Variants in POM121C observed in about 807,000 individuals in gnomAD.
POM121C encodes nuclear envelope pore membrane protein POM 121C.
A neutral mutation model predicts 66.4 loss-of-function variants in POM121C; 20 were observed. The observed-to-expected ratio is 0.30, with a 90% CI of 0.21 to 0.44. The LOEUF is 0.44. Among genes scored for constraint, POM121C ranks in the 20% least tolerant of loss-of-function variants. The pLI is 1.00. For synonymous variants in POM121C, 286 were observed against 528.0 expected (o/e 0.54, Z 6.28); for missense variants, 580 against 1,225.7 (o/e 0.47, Z 7.87).
At chr7:75,452,088 CAGG>C (rs1192230938) in intron 3 of POM121C, among the ~76,000 whole-genome samples, 1 of 152,116 alleles carries the variant, frequency 6.6e-6, no homozygotes, top group Non-Finnish European at 1.5e-5. Flanking sequence ...CTCTTGAACC[CAGG>C]AGGAGGAGGT....
chr7:75,453,642 T>C (rs1342044228), intron 3 of POM121C, among the ~76,000 whole-genome samples: 1 of 150,854 alleles, frequency 6.6e-6, no homozygotes, highest in Non-Finnish European at 1.5e-5. Flanking sequence ...GTAAAGTGTT[T>C]CAGTTACTAA....
intron 3 of POM121C, among the ~76,000 whole-genome samples, chr7:75,467,851 C>T (rs1173414611): frequency 3.3e-5 from 5 of 151,906 alleles, no homozygotes; most frequent in South Asian, 2.1e-4. Flanking sequence ...CAAAATAGGC[C>T]GGGCACTGTG....
chr7:75,416,787 A>G lies in POM121C; in HGVS notation c.*2009T>C. 6.5e-7 allele frequency: 1 copy of G among 1,529,478 alleles called. No individual in the cohort carries two copies. The highest frequency in any genetic ancestry group is 2.2e-5 in the Admixed American group (1 of 45,506). 94.7% of individuals were successfully genotyped at this position (1,529,478 alleles called of 1,614,324 possible). A position where few individuals can be genotyped will look rare whatever the true frequency, so the allele number is the denominator to read the frequency against. On this transcript the variant is annotated 3_prime_UTR_variant, in exon 15 of 15. Transcript: ENST00000615331. ...AGAAATAAAATGCAGAACGTACTCT[A>G]CGATAGATCACAGTTTTTTATTCTT...
At chr7:75,468,313 C>CTTTTTTTT (rs59483137) in intron 3 of POM121C, among the ~76,000 whole-genome samples, 2 of 89,726 alleles carry the variant, frequency 2.2e-5, no homozygotes, top group Non-Finnish European at 4.2e-5. Flanking sequence ...AAGACTCCAG[C>CTTTTTTTT]TTTTTTTTTT....
intron 10 of POM121C, 66 bp from the exon 11 acceptor site, chr7:75,424,694 A>G (rs113765235): frequency 4.5e-5 from 71 of 1,587,676 alleles, no homozygotes; most frequent in Non-Finnish European, 5.5e-5. Flanking sequence ...CGTGGTGGCT[A>G]ACGCCGGTAA....
rs587692619 is a variant in POM121C at position 75,417,075 on chromosome 7, C to A, written c.*1721G>T. ...CAGGTAGAAGCTTGATTGCTAGGCC[C>A]AGGCCCACCCAGACCCTCCAATCCT... On this transcript the variant is annotated 3_prime_UTR_variant, in exon 15 of 15. Transcript: ENST00000615331. 23 of 978,776 alleles carry A rather than the reference C, an allele frequency of 2.3e-5. No individual in the cohort carries two copies. The East Asian group carries it at 1.6e-3, about 70-fold the overall frequency. 60.6% of individuals were successfully genotyped at this position (978,776 alleles called of 1,614,324 possible).
chr7:75,420,137 G>C (rs587666533), intron 13 of POM121C: 5 of 152,310 alleles, frequency 3.3e-5, no homozygotes, highest in Admixed American at 3.3e-4. Context: ...TGGCTCACTG[G>C]CTTCCTCCCC....
At chr7:75,432,543 A>G (rs1181118580) in intron 7 of POM121C, among the ~76,000 whole-genome samples, 1 of 152,210 alleles carries the variant, frequency 6.6e-6, no homozygotes, top group African/African-American at 2.4e-5. Context: ...AAGGAGAAGC[A>G]TGATGGGGAG....
intron 3 of POM121C, among the ~76,000 whole-genome samples, chr7:75,456,455 C>A (rs1226423100): frequency 1.1e-3 from 169 of 151,954 alleles, no homozygotes; most frequent in African/African-American, 3.8e-3. Context: ...TAGTCCTACT[C>A]CATGTCCAGC....
rs1297946692 is a variant in POM121C, at chr7:75,470,283, C to T, written c.-152+4421G>A. 8.5e-5 allele frequency among the ~76,000 whole-genome samples: 4 copies of T among 47,128 alleles called. 1 individual carries two copies. Among genetic ancestry groups the T allele is most frequent in the Non-Finnish European group, 2.2e-4 (4 of 18,508 alleles). The allele number at this position is 47,128 out of a possible 152,430, so 30.9% of individuals were successfully genotyped here. ...ACGTGTTCAGTTCACTATCTTATTC[C>T]CAGTGCTTAACAGTGGCAGGCAAAT... On this transcript the variant is annotated intron_variant, in intron 3 of 14. Coordinates refer to ENST00000615331, the MANE Select transcript of POM121C (RefSeq NM_001099415.3).
Position 75,417,050 on chromosome 7 carries a change from C to T in POM121C, c.*1746G>A. ...AGGAGGGTCTACCTTACATAAGGTA[C>T]AGGTAGAAGCTTGATTGCTAGGCCC... On this transcript the variant is annotated 3_prime_UTR_variant, in exon 15 of 15. Coordinates refer to ENST00000615331, the MANE Select transcript of POM121C (RefSeq NM_001099415.3). 5.3e-6 allele frequency: 6 copies of T among 1,123,760 alleles called. No individual in the cohort carries two copies. The highest frequency in any genetic ancestry group is 6.5e-6 in the Non-Finnish European group (6 of 917,432). The allele number at this position is 1,123,760 out of a possible 1,614,324, so 69.6% of individuals were successfully genotyped here. A position where few individuals can be genotyped will look rare whatever the true frequency, so the allele number is the denominator to read the frequency against.
At chr7:75,471,022 G>A (rs1384618588) in intron 3 of POM121C, among the ~76,000 whole-genome samples, 7 of 151,856 alleles carry the variant, frequency 4.6e-5, no homozygotes, top group African/African-American at 1.7e-4. Context: ...GATTGACAAC[G>A]GGCTAGAAAA....
Position 75,437,586 on chromosome 7 carries a change from T to G in POM121C, c.409A>C (p.Thr137Pro), listed in dbSNP as rs427206. ...SSMSSLTGAY[T>P]SGIPSSSRNA... Reference sequence around the variant, plus strand: ...CGGCTGGAGCTAGGGATGCCACTTGTGTAAGCGCCTGTCAAGGAGCTCATG... The same window carrying G: ...CGGCTGGAGCTAGGGATGCCACTTGGGTAAGCGCCTGTCAAGGAGCTCATG... The change falls in exon 7 of 15, where the codon ACA becomes CCA. Residue 137 changes from threonine (T) to proline (P), a missense_variant. Coordinates refer to ENST00000615331, the MANE Select transcript of POM121C (RefSeq NM_001099415.3). 6.2e-7 allele frequency: 1 copy of G among 1,613,984 alleles called. No individual in the cohort carries two copies. The highest frequency in any genetic ancestry group is 8.5e-7 in the Non-Finnish European group (1 of 1,179,880).
intron 3 of POM121C, among the ~76,000 whole-genome samples, chr7:75,444,225 T>C (rs1368524954): frequency 1.8e-4 from 22 of 124,220 alleles, no homozygotes; most frequent in African/African-American, 6.3e-4. Context: ...TAATATACTG[T>C]GACTTCACAT....
intron 1 of POM121C, among the ~76,000 whole-genome samples, chr7:75,479,096 T>G (rs1159559565): frequency 6.6e-6 from 1 of 151,942 alleles, no homozygotes; most frequent in Non-Finnish European, 1.5e-5. Flanking sequence ...GAGAAACATA[T>G]TTAAAGCACT....
chr7:75,419,078 G>A (rs1422422370), intron 14 of POM121C, among the ~76,000 whole-genome samples, 185 bp from the exon 15 acceptor site: 1 of 152,228 alleles, frequency 6.6e-6, no homozygotes, highest in Admixed American at 6.5e-5. Flanking sequence ...GAGTCTCAGA[G>A]CGAGGCCCAC....
At chr7:75,458,775 C>G (rs1791341262) in intron 3 of POM121C, among the ~76,000 whole-genome samples, 1 of 152,090 alleles carries the variant, frequency 6.6e-6, no homozygotes. Context: ...ACTCCTCATA[C>G]TAAGAACCAG....
intron 1 of POM121C, among the ~76,000 whole-genome samples, chr7:75,482,680 AC>A (rs1270291112): frequency 3.9e-5 from 6 of 152,024 alleles, no homozygotes; most frequent in Non-Finnish European, 7.4e-5. Flanking sequence ...ACAGAGCAAG[AC>A]CCTATCTCAA....
At chr7:75,467,927 T>C (rs1340893679) in intron 3 of POM121C, among the ~76,000 whole-genome samples, 4 of 151,678 alleles carry the variant, frequency 2.6e-5, no homozygotes, top group African/African-American at 9.7e-5. Context: ...GTCAGGAGTT[T>C]GAGACCAGCC....
Sources: gnomAD v4.1 joint callset for allele counts (sites outside exome capture counted in the v4.1 genomes callset) on GRCh38, gnomAD v4.1.1 for gene constraint, MANE v1.5 for transcripts, NCBI Gene and HGNC (gene_info 2026-07-23, HGNC 2026-07-21) for gene names.